PRKCE: variants seen among roughly 807,000 people sequenced by gnomAD.
PRKCE encodes protein kinase C epsilon type.
A neutral mutation model predicts 85.4 loss-of-function variants in PRKCE; 16 were observed. The observed-to-expected ratio is 0.19, with a 90% CI of 0.13 to 0.28. PRKCE has a LOEUF of 0.28. Among genes scored for constraint, PRKCE ranks in the 10% least tolerant of loss-of-function variants. The pLI, the probability that PRKCE is intolerant of heterozygous loss-of-function variation, is 1.00. For synonymous variants in PRKCE, 388 were observed against 371.5 expected, an observed-to-expected ratio of 1.04 and a Z score of -0.51; for missense variants, 573 against 975.2, an observed-to-expected ratio of 0.59 and a Z score of 5.49.
intron 14 of PRKCE, among the ~76,000 whole-genome samples, chr2:46,161,100 C>T (rs1192554433): frequency 6.6e-6 from 1 of 152,190 alleles, no homozygotes; most frequent in African/African-American, 2.4e-5. Context: ...AGCTCCAGGC[C>T]CACCATTCCA....
intron 1 of PRKCE, among the ~76,000 whole-genome samples, chr2:45,685,081 G>C (rs140997668): frequency 6.6e-6 from 1 of 152,298 alleles, no homozygotes; most frequent in East Asian, 1.9e-4. Context: ...GAATCAAGAC[G>C]AGAATAAAAG....
intron 1 of PRKCE, among the ~76,000 whole-genome samples, chr2:45,825,822 A>G (rs1192337988): frequency 6.6e-6 from 1 of 152,150 alleles, no homozygotes; most frequent in Non-Finnish European, 1.5e-5. Context: ...CAGGAGTTAG[A>G]AGCTGCAGTG....
At chr2:46,113,317 C>G (rs1234995482) in intron 11 of PRKCE, among the ~76,000 whole-genome samples, 1 of 152,140 alleles carries the variant, frequency 6.6e-6, no homozygotes. Flanking sequence ...TGTTTGAATC[C>G]CAGACGGTAC....
In PRKCE at chr2:46,098,704, A is replaced by C. The variant is rs749478337; in HGVS notation, c.1592+12342A>C. On this transcript the variant is annotated intron_variant, in intron 11 of 14. Coordinates refer to ENST00000306156, the MANE Select transcript of PRKCE (RefSeq NM_005400.3). Reference sequence around the variant, plus strand: ...GAACAATTATTGCTGCAATATATTCAACAGCCAGTACTGAATGCTCCAAGG... The same window carrying C: ...GAACAATTATTGCTGCAATATATTCCACAGCCAGTACTGAATGCTCCAAGG... Among the ~76,000 whole-genome samples the C allele has an allele frequency of 2.0e-4, 30 of 152,358 alleles. No homozygotes were observed. In the Middle Eastern group the frequency reaches 0.01, roughly 52 times the overall value.
intron 1 of PRKCE, among the ~76,000 whole-genome samples, chr2:45,710,562 C>T (rs1341846981): frequency 6.6e-6 from 1 of 152,226 alleles, no homozygotes; most frequent in African/African-American, 2.4e-5. Context: ...TGAAGCCTGT[C>T]CATAGATTAA....
intron 10 of PRKCE, among the ~76,000 whole-genome samples, chr2:46,027,861 G>C (rs1467089490): frequency 1.3e-5 from 2 of 152,144 alleles, no homozygotes; most frequent in Non-Finnish European, 2.9e-5. Flanking sequence ...TGGGGCTCAA[G>C]ACCAGGGGGT....
intron 1 of PRKCE, among the ~76,000 whole-genome samples, chr2:45,813,458 T>C (rs1688796500): frequency 1.3e-5 from 2 of 151,954 alleles, no homozygotes; most frequent in African/African-American, 4.8e-5. Flanking sequence ...GAGACAGGAG[T>C]GCAGACGGGG....
chr2:45,829,465 G>C (rs991897209), intron 1 of PRKCE, among the ~76,000 whole-genome samples: 1 of 152,172 alleles, frequency 6.6e-6, no homozygotes, highest in Non-Finnish European at 1.5e-5. Context: ...AAGGAGAAAA[G>C]GGGGAAGTCT....
chr2:45,795,602 G>A (rs542401473), intron 1 of PRKCE, among the ~76,000 whole-genome samples: 8 of 152,230 alleles, frequency 5.3e-5, no homozygotes, highest in East Asian at 1.9e-4. Context: ...GAGCCACTGC[G>A]CCCGGCCTGA....
chr2:46,177,646 C>T (rs1349148423), intron 14 of PRKCE, among the ~76,000 whole-genome samples: 1 of 152,170 alleles, frequency 6.6e-6, no homozygotes. Context: ...ACCTCATCTT[C>T]GTTTGATTAC....
chr2:45,918,435 A>G (rs1325170504), intron 2 of PRKCE, among the ~76,000 whole-genome samples: 1 of 152,232 alleles, frequency 6.6e-6, no homozygotes, highest in Non-Finnish European at 1.5e-5. Context: ...AAACAATTTT[A>G]TCAACAATAC....
chr2:46,095,111 T>A (rs146823490), intron 11 of PRKCE, among the ~76,000 whole-genome samples: 2 of 152,356 alleles, frequency 1.3e-5, no homozygotes, highest in African/African-American at 4.8e-5. Context: ...TTCTCTTCTG[T>A]TTTCTCTTTC....
At chr2:45,891,242 T>C (rs1045776815) in intron 2 of PRKCE, among the ~76,000 whole-genome samples, 3 of 152,230 alleles carry the variant, frequency 2.0e-5, no homozygotes, top group African/African-American at 7.2e-5. Flanking sequence ...ACCATTCTGT[T>C]TGCAGAAAGA....
chr2:45,782,999 C>G (rs1686314385), intron 1 of PRKCE, among the ~76,000 whole-genome samples: 1 of 152,180 alleles, frequency 6.6e-6, no homozygotes, highest in Non-Finnish European at 1.5e-5. Flanking sequence ...ATGAATTTTG[C>G]TCTTACAGTT....
chr2:46,095,012 A>C (rs547510482), intron 11 of PRKCE, among the ~76,000 whole-genome samples: 1 of 152,180 alleles, frequency 6.6e-6, no homozygotes, highest in East Asian at 1.9e-4. Context: ...GTTTTCATCT[A>C]TTGCACTCGC....
chr2:45,998,691 T>G (rs562363311), intron 6 of PRKCE, among the ~76,000 whole-genome samples: 1 of 152,354 alleles, frequency 6.6e-6, no homozygotes, highest in South Asian at 2.1e-4. Context: ...TGGGTTAATA[T>G]CTACTATAGT....
At chr2:45,994,138 T>G (rs886187393) in intron 6 of PRKCE, among the ~76,000 whole-genome samples, 4 of 152,206 alleles carry the variant, frequency 2.6e-5, no homozygotes, top group African/African-American at 9.7e-5. Context: ...ACTTTACTTT[T>G]TAGAGTAGTT....
In PRKCE at chr2:46,010,822, C is replaced by T. The variant is rs1705609152; in HGVS notation, c.1437+305C>T. 3 of 1,564,010 alleles carry T rather than the reference C, an allele frequency of 1.9e-6. No individual in the cohort carries two copies. The African/African-American group carries it at 4.0e-5, about 21-fold the overall frequency. ...GAAAAACCAACAAGTGTGGTTAGTC[C>T]TTGCTCTGCTCCTAACTTTCTATCA... On this transcript the variant is annotated intron_variant, in intron 10 of 14. Coordinates refer to ENST00000306156, the MANE Select transcript of PRKCE (RefSeq NM_005400.3).
At chr2:46,104,826 G>A (rs541945869) in intron 11 of PRKCE, among the ~76,000 whole-genome samples, 33 of 152,248 alleles carry the variant, frequency 2.2e-4, no homozygotes, top group South Asian at 1.2e-3. Context: ...TTGTACAACC[G>A]AAAGACTGGC....
Sources: allele counts gnomAD v4.1 joint callset (sites outside exome capture counted in the v4.1 genomes callset), GRCh38; gene constraint gnomAD v4.1.1; transcripts MANE v1.5; gene names NCBI Gene and HGNC (gene_info 2026-07-23, HGNC 2026-07-21).